The following NCOR1 variants were observed in gnomAD, a reference collection of about 807,000 sequenced individuals.
NCOR1 encodes nuclear receptor corepressor 1.
Under a neutral mutation model 288.1 loss-of-function variants are expected in NCOR1, and 63 were observed. That is an observed-to-expected ratio of 0.22 (90% confidence interval 0.18 to 0.27). NCOR1 has a LOEUF of 0.27. Ranked by LOEUF, NCOR1 falls within the 10% of genes least tolerant of loss-of-function variation. NCOR1 has a pLI of 1.00. For missense variants in NCOR1, 2,397 were observed against 3,019.2 expected (o/e 0.79, Z 4.83); for synonymous variants, 1,007 against 1,065.9 (o/e 0.94, Z 1.08).
At chr17:16,126,918 T>G (rs1460028503) in intron 14 of NCOR1, among the ~76,000 whole-genome samples, 3 of 152,152 alleles carry the variant, frequency 2.0e-5, no homozygotes, top group Non-Finnish European at 4.4e-5. Context: ...TTCTGTGGTT[T>G]CAGTTACCTG....
intron 3 of NCOR1, among the ~76,000 whole-genome samples, chr17:16,182,399 T>TA (rs1600106662): frequency 6.6e-6 from 1 of 152,234 alleles, no homozygotes; most frequent in Non-Finnish European, 1.5e-5. Flanking sequence ...GTAAAACTTT[T>TA]AAACACTCAG....
At chr17:16,207,068 T>A (rs2091597183) in intron 1 of NCOR1, among the ~76,000 whole-genome samples, 1 of 152,192 alleles carries the variant, frequency 6.6e-6, no homozygotes, top group Non-Finnish European at 1.5e-5. Flanking sequence ...ATATTTACGT[T>A]CTGCATATTT....
chr17:16,101,948 TAAA>T, intron 19 of NCOR1, 191 bp from the exon 20 acceptor site: 1 of 691,258 alleles, frequency 1.4e-6, no homozygotes, highest in Non-Finnish European at 2.4e-6. Flanking sequence ...TTGAGAAGGC[TAAA>T]GTTTCCTACA....
Position 16,045,835 on chromosome 17 carries a change from G to A in NCOR1, c.6679+1116C>T, listed in dbSNP as rs189160448. Among the ~76,000 whole-genome samples the A allele has an allele frequency of 2.2e-3, 324 of 149,780 alleles. 2 individuals carry two copies. The highest frequency in any genetic ancestry group is 7.7e-3 in the African/African-American group (312 of 40,440). On this transcript the variant is annotated intron_variant, in intron 42 of 45. Coordinates refer to ENST00000268712, the MANE Select transcript of NCOR1 (RefSeq NM_006311.4). ...TAAAAAAAATTTTTTTTTTTTTCTT[G>A]AGACATCTCACTCTGGCTTAGGCTG...
At chr17:16,134,274 G>A (rs1232525270) in intron 14 of NCOR1, among the ~76,000 whole-genome samples, 2 of 152,186 alleles carry the variant, frequency 1.3e-5, no homozygotes, top group Non-Finnish European at 2.9e-5. Context: ...TGAGATGATG[G>A]TCTAAATTCA....
rs750500340 is a variant in NCOR1 at position 16,067,988 on chromosome 17, GGGA to G, written c.4644_4646del (p.Pro1549del). ...CGCCTGCAGTGCTGCCTCTGTGATG[GGGA>G]TCAAACGGACTGTGGCTCACGACAG... On this transcript the variant is annotated inframe_deletion, in exon 32 of 46. Transcript: ENST00000268712. 1.5e-5 allele frequency: 25 copies of G among 1,614,078 alleles called. No individual in the cohort carries two copies. In the African/African-American group the frequency reaches 2.9e-4, roughly 19 times the overall value.
At chr17:16,187,889 G>C (rs995513078) in intron 2 of NCOR1, among the ~76,000 whole-genome samples, 13 of 140,706 alleles carry the variant, frequency 9.2e-5, no homozygotes, top group African/African-American at 3.5e-4. Context: ...GACAGAGCAA[G>C]ACACCATCTT....
chr17:16,145,762 G>A lies in NCOR1; in HGVS notation c.1082+614C>T, dbSNP rs553098732. ...AGCCGCCCCATCCGGGGGGTGGGGCGCCTCCACCTGGCCGCTGCCCCGTCT... is the reference window on the plus strand; with the variant it reads ...AGCCGCCCCATCCGGGGGGTGGGGCACCTCCACCTGGCCGCTGCCCCGTCT... On this transcript the variant is annotated intron_variant, in intron 10 of 45. Transcript: ENST00000268712. Among the ~76,000 whole-genome samples the A allele has an allele frequency of 3.9e-5, 6 of 152,060 alleles. No homozygotes were observed. The East Asian group carries it at 7.8e-4, about 20-fold the overall frequency.
At chr17:16,119,192 CAG>C (rs2072445175) in intron 17 of NCOR1, among the ~76,000 whole-genome samples, 1 of 152,084 alleles carries the variant, frequency 6.6e-6, no homozygotes, top group Non-Finnish European at 1.5e-5. Flanking sequence ...AATAAAACTG[CAG>C]AGAGAATCTT....
chr17:16,069,231 C>G (rs1183179361), intron 31 of NCOR1, among the ~76,000 whole-genome samples: 1 of 152,124 alleles, frequency 6.6e-6, no homozygotes, highest in Non-Finnish European at 1.5e-5. Context: ...ATCACATCCC[C>G]TTCCAAGTCC....
chr17:16,064,061 C>T lies in NCOR1; in HGVS notation c.5221+7G>A, dbSNP rs1449212837. 1 of 1,613,710 alleles carries T rather than the reference C, an allele frequency of 6.2e-7. No individual in the cohort carries two copies. Among genetic ancestry groups the T allele is most frequent in the Non-Finnish European group, 8.5e-7 (1 of 1,179,836 alleles). On this transcript the variant is annotated splice_region_variant and intron_variant, in intron 35 of 45. Coordinates refer to ENST00000268712, the MANE Select transcript of NCOR1 (RefSeq NM_006311.4). ...CAGAGAATGGAAGAGCAGTGCCTTTCACTGACCTGGCCGCAGGTAGAGGTC... is the reference window on the plus strand; with the variant it reads ...CAGAGAATGGAAGAGCAGTGCCTTTTACTGACCTGGCCGCAGGTAGAGGTC...
intron 19 of NCOR1, among the ~76,000 whole-genome samples, chr17:16,107,600 AAGG>A (rs1389922353): frequency 6.6e-6 from 1 of 152,160 alleles, no homozygotes; most frequent in East Asian, 1.9e-4. Flanking sequence ...ATGGCAGCCC[AAGG>A]AGATTTATTA....
intron 37 of NCOR1, among the ~76,000 whole-genome samples, chr17:16,059,148 G>A (rs2060279026): frequency 6.6e-6 from 1 of 151,618 alleles, no homozygotes; most frequent in Non-Finnish European, 1.5e-5. Flanking sequence ...ATATTTTCCT[G>A]GGAGCTGGAA....
intron 7 of NCOR1, among the ~76,000 whole-genome samples, chr17:16,152,458 C>T (rs574969812): frequency 1.3e-5 from 2 of 152,300 alleles, no homozygotes; most frequent in South Asian, 4.1e-4. Flanking sequence ...CCAGCTTCAT[C>T]CATGTCCCTA....
Position 16,070,435 on chromosome 17 carries a change from G to A in NCOR1, c.4243C>T (p.Arg1415Cys), listed in dbSNP as rs148246943. ...SLITGPSKLSRGMPPLEIVPE... is the reference protein window; with the variant it reads ...SLITGPSKLSCGMPPLEIVPE... ...ACAATTTCCAGCGGAGGCATTCCAC[G>A]GGATAGTTTGCTAGGCCCCGTGATT... The change falls in exon 31 of 46, where the codon CGT (arginine) becomes TGT (cysteine). Residue 1415 changes from arginine to cysteine, a missense_variant. Arg to Cys is a radical substitution (Grantham distance 180). Around this residue, in one of 11 missense-constraint regions of NCOR1, gnomAD observed 1,872 missense variants for 2,187.8 expected, o/e 0.86. Coordinates refer to ENST00000268712, the MANE Select transcript of NCOR1 (RefSeq NM_006311.4). 87 of 1,614,174 alleles carry A rather than the reference G, an allele frequency of 5.4e-5. No homozygotes were observed. Among genetic ancestry groups the A allele is most frequent in the Admixed American group, 1.7e-4 (10 of 60,028 alleles).
intron 5 of NCOR1, among the ~76,000 whole-genome samples, chr17:16,162,529 A>G (rs2081073983): frequency 6.6e-6 from 1 of 152,022 alleles, no homozygotes; most frequent in South Asian, 2.1e-4. Context: ...AAAAGAATAT[A>G]CTGAAAACAA....
chr17:16,180,950 G>T (rs1430268791), intron 3 of NCOR1, among the ~76,000 whole-genome samples: 1 of 152,156 alleles, frequency 6.6e-6, no homozygotes, highest in Non-Finnish European at 1.5e-5. Context: ...CTTGAGGTCT[G>T]GAGTTCAAGA....
At chr17:16,190,627 T>C (rs1037767335) in intron 2 of NCOR1, among the ~76,000 whole-genome samples, 3 of 151,880 alleles carry the variant, frequency 2.0e-5, no homozygotes, top group African/African-American at 7.3e-5. Flanking sequence ...AGGCATGAGC[T>C]ACCACGCCCA....
chr17:16,146,471 A>G lies in NCOR1; in HGVS notation c.987T>C (p.Pro329=), dbSNP rs1228139514. Residue 329 remains proline (P), a synonymous_variant, in exon 10 of 46, where the codon CCT becomes CCC. Coordinates refer to ENST00000268712, the MANE Select transcript of NCOR1 (RefSeq NM_006311.4). ...EKKVDRIENN[P]RRKAKESKTR... The stretch of plus-strand genomic sequence containing the variant: ...TTTTGCTTTCTTTAGCTTTCCTCCG[A>G]GGATTATTTTCTATTCTGTCCACTT... 6.2e-7 allele frequency: 1 copy of G among 1,613,704 alleles called. No individual in the cohort carries two copies. Among genetic ancestry groups the G allele is most frequent in the Admixed American group, 1.7e-5 (1 of 59,980 alleles).
Sources: allele counts gnomAD v4.1 joint callset (sites outside exome capture counted in the v4.1 genomes callset), GRCh38; gene constraint gnomAD v4.1.1; regional missense constraint gnomAD v4.1.1; transcripts MANE v1.5; gene names NCBI Gene and HGNC (gene_info 2026-07-23, HGNC 2026-07-21).